The following RGS7 variants were observed in gnomAD, a reference collection of about 807,000 sequenced individuals.
The protein encoded by RGS7 is regulator of G-protein signaling 7.
Under a neutral mutation model 81.1 loss-of-function variants are expected in RGS7, and 27 were observed. The observed-to-expected ratio is 0.33, with a 90% confidence interval of 0.25 to 0.46. The LOEUF (loss-of-function observed/expected upper bound fraction) is 0.46, where lower values mean the gene tolerates loss of function less well. Ranked by LOEUF, RGS7 falls within the 20% of genes least tolerant of loss-of-function variation. RGS7 has a pLI of 1.00. For synonymous variants in RGS7, 208 were observed against 207.7 expected (o/e 1.00, Z -0.01); for missense variants, 396 against 607.4 (o/e 0.65, Z 3.66).
chr1:240,813,712 C>A lies in RGS7; in HGVS notation c.862G>T (p.Glu288Ter). 1 of 1,611,190 alleles carries A rather than the reference C, an allele frequency of 6.2e-7. No homozygotes were observed. The highest frequency in any genetic ancestry group is 1.1e-5 in the South Asian group (1 of 91,034). The change falls in exon 13 of 19, where the codon GAA becomes TAA. Residue 288 changes from glutamate (E) to a stop codon, truncating the protein, a stop_gained. Coordinates refer to ENST00000440928, the MANE Select transcript of RGS7 (RefSeq NM_001364886.1). LOFTEE classifies it high-confidence loss of function. ...KVADSLLSYTEQYLEYDPFLL... is the reference protein window; with the variant it reads ...KVADSLLSYT ...AACGGGTCGTATTCTAAATACTGTT[C>A]CGTGTAACTTAGTAGACTAAGGAGA...
chr1:240,804,145 C>A (rs1230592543), intron 15 of RGS7, among the ~76,000 whole-genome samples: 1 of 152,154 alleles, frequency 6.6e-6, no homozygotes, highest in East Asian at 1.9e-4. Context: ...TATAGGCCAA[C>A]TTTTTCATCT....
intron 2 of RGS7, among the ~76,000 whole-genome samples, chr1:241,217,563 A>G (rs2074644034): frequency 6.6e-6 from 1 of 152,172 alleles, no homozygotes; most frequent in African/African-American, 2.4e-5. Context: ...AGGATCAGCA[A>G]GAGACTCCAC....
chr1:240,953,662 A>T (rs1679907655), intron 4 of RGS7, among the ~76,000 whole-genome samples: 1 of 151,984 alleles, frequency 6.6e-6, no homozygotes, highest in Non-Finnish European at 1.5e-5. Flanking sequence ...AAAATTAATA[A>T]CCTAAGATTA....
At chr1:241,058,732 C>G (rs2061598920) in intron 3 of RGS7, among the ~76,000 whole-genome samples, 1 of 152,212 alleles carries the variant, frequency 6.6e-6, no homozygotes, top group African/African-American at 2.4e-5. Flanking sequence ...AGCTCCAGGC[C>G]TTGCATGCAG....
chr1:240,830,609 G>A (rs909942826), intron 9 of RGS7, among the ~76,000 whole-genome samples: 1 of 152,154 alleles, frequency 6.6e-6, no homozygotes, highest in Non-Finnish European at 1.5e-5. Context: ...TTCAATTATG[G>A]TGGCATGCAG....
chr1:240,858,284 A>G (rs976308829), intron 9 of RGS7, among the ~76,000 whole-genome samples: 1 of 152,206 alleles, frequency 6.6e-6, no homozygotes, highest in African/African-American at 2.4e-5. Context: ...TTGTATAGTA[A>G]CAATTCATTT....
At chr1:241,184,410 A>C (rs1002128245) in intron 2 of RGS7, among the ~76,000 whole-genome samples, 2 of 152,244 alleles carry the variant, frequency 1.3e-5, no homozygotes. Context: ...GAAACAGATG[A>C]TTAAGTTATT....
intron 2 of RGS7, among the ~76,000 whole-genome samples, chr1:241,275,032 C>T (rs931689937): frequency 6.6e-6 from 1 of 152,172 alleles, no homozygotes; most frequent in Admixed American, 6.5e-5. Context: ...AAATGAGGAA[C>T]AGGGTCAGAA....
chr1:241,079,210 C>T (rs982147527), intron 3 of RGS7, among the ~76,000 whole-genome samples: 7 of 151,184 alleles, frequency 4.6e-5, no homozygotes, highest in Non-Finnish European at 3.0e-5. Context: ...AGTGCTCTTT[C>T]CACAGCCAAT....
intron 18 of RGS7, among the ~76,000 whole-genome samples, chr1:240,786,557 T>C (rs1426463264): frequency 6.6e-6 from 1 of 152,168 alleles, no homozygotes; most frequent in African/African-American, 2.4e-5. Flanking sequence ...TCTATGTACA[T>C]ATAAACACAC....
chr1:240,955,038 C>T (rs546370960), intron 4 of RGS7, among the ~76,000 whole-genome samples: 8 of 152,106 alleles, frequency 5.3e-5, no homozygotes, highest in African/African-American at 1.9e-4. Context: ...AAAATATATA[C>T]AAAATCTGTG....
chr1:241,174,933 C>T (rs181144321), intron 2 of RGS7, among the ~76,000 whole-genome samples: 4 of 129,718 alleles, frequency 3.1e-5, no homozygotes, highest in African/African-American at 5.8e-5. Flanking sequence ...GACGGAGTCC[C>T]GAACTGTCAC....
At chr1:240,834,819 G>A (rs551989078) in intron 9 of RGS7, among the ~76,000 whole-genome samples, 8 of 151,864 alleles carry the variant, frequency 5.3e-5, no homozygotes, top group Admixed American at 4.6e-4. Flanking sequence ...CCCGACTTTG[G>A]CTTAATTCTA....
intron 2 of RGS7, among the ~76,000 whole-genome samples, chr1:241,345,985 A>C (rs2082873303): frequency 6.6e-6 from 1 of 152,222 alleles, no homozygotes; most frequent in Non-Finnish European, 1.5e-5. Flanking sequence ...ACTGCACTCC[A>C]GTCTGGTGAT....
intron 3 of RGS7, among the ~76,000 whole-genome samples, chr1:241,064,581 A>G (rs1056248363): frequency 5.9e-5 from 9 of 151,928 alleles, no homozygotes; most frequent in African/African-American, 2.2e-4. Context: ...ACCCTGACTC[A>G]AAAACAACAA....
At chr1:241,203,571 T>A (rs2073674227) in intron 2 of RGS7, among the ~76,000 whole-genome samples, 1 of 152,154 alleles carries the variant, frequency 6.6e-6, no homozygotes. Flanking sequence ...TGGTTTTCTG[T>A]TGATTCTGTG....
chr1:240,893,247 T>C (rs778567674), intron 6 of RGS7, among the ~76,000 whole-genome samples: 3 of 152,192 alleles, frequency 2.0e-5, no homozygotes, highest in Non-Finnish European at 4.4e-5. Flanking sequence ...AACATAGCCA[T>C]AAACTTTCTA....
In RGS7 at chr1:240,986,422, G is replaced by A. The variant is rs370206725; in HGVS notation, c.176-3293C>T. 6.6e-5 allele frequency among the ~76,000 whole-genome samples: 10 copies of A among 152,110 alleles called. No individual in the cohort carries two copies. The East Asian group carries it at 1.9e-3, about 29-fold the overall frequency. ...TCAATTCAAACATTATCTACTCCAG[G>A]AAGCCTGTTGTGCCCACCCCTCAAC... is the stretch of plus-strand genomic sequence containing the variant. On this transcript the variant is annotated intron_variant, in intron 3 of 18. Coordinates refer to ENST00000440928, the MANE Select transcript of RGS7 (RefSeq NM_001364886.1).
intron 2 of RGS7, among the ~76,000 whole-genome samples, chr1:241,159,566 T>C (rs964793175): frequency 2.0e-5 from 3 of 152,070 alleles, no homozygotes; most frequent in African/African-American, 7.2e-5. Flanking sequence ...ACTGAGCATC[T>C]ATTAGATGCT....
Sources: allele counts gnomAD v4.1 joint callset (sites outside exome capture counted in the v4.1 genomes callset), GRCh38; gene constraint gnomAD v4.1.1; transcripts MANE v1.5; gene names NCBI Gene and HGNC (gene_info 2026-07-23, HGNC 2026-07-21).